EVI5: variants seen among roughly 807,000 people sequenced by gnomAD.
EVI5 encodes the protein ecotropic viral integration site 5, also known as ecotropic viral integration site 5 protein homolog.
A neutral mutation model predicts 112.0 loss-of-function variants in EVI5; 73 were observed. That is an observed-to-expected ratio of 0.65 (90% CI 0.54 to 0.79). The LOEUF is 0.79. Ranked by LOEUF, EVI5 falls within the 30% of genes least tolerant of loss-of-function variation. The probability of loss-of-function intolerance (pLI) is 0.00; values close to 1 mark genes in which losing one functional copy is unlikely to be tolerated. For missense variants in EVI5, 900 were observed against 968.8 expected, an observed-to-expected ratio of 0.93 and a Z score of 0.94; for synonymous variants, 305 against 319.9, an observed-to-expected ratio of 0.95 and a Z score of 0.50.
intron 14 of EVI5, among the ~76,000 whole-genome samples, chr1:92,629,812 C>T (rs1218224601): frequency 2.1e-5 from 3 of 144,472 alleles, no homozygotes; most frequent in South Asian, 2.3e-4. Context: ...GCTATCCCTC[C>T]ACCCTCCCCC....
At chr1:92,685,500 A>G (rs1222080969) in intron 9 of EVI5, among the ~76,000 whole-genome samples, 1 of 152,236 alleles carries the variant, frequency 6.6e-6, no homozygotes, top group Non-Finnish European at 1.5e-5. Context: ...GAACTAGAGA[A>G]GCAAGAGCAA....
chr1:92,566,374 C>T (rs930640161), intron 18 of EVI5, among the ~76,000 whole-genome samples: 2 of 152,010 alleles, frequency 1.3e-5, no homozygotes, highest in African/African-American at 4.8e-5. Flanking sequence ...ATAAGAAATT[C>T]GTAATGCCTA....
intron 13 of EVI5, among the ~76,000 whole-genome samples, chr1:92,641,577 T>G (rs555797488): frequency 6.6e-6 from 1 of 152,186 alleles, no homozygotes; most frequent in Non-Finnish European, 1.5e-5. Flanking sequence ...AAACAAAATT[T>G]GTAATAATGT....
chr1:92,617,187 G>A (rs1653384513), intron 16 of EVI5, among the ~76,000 whole-genome samples: 1 of 152,244 alleles, frequency 6.6e-6, no homozygotes, highest in Admixed American at 6.5e-5. Context: ...GGACAGCGGT[G>A]AAGGTAAATC....
intron 19 of EVI5, among the ~76,000 whole-genome samples, chr1:92,544,016 CAT>C (rs1665269383): frequency 6.6e-6 from 1 of 152,200 alleles, no homozygotes; most frequent in Non-Finnish European, 1.5e-5. Flanking sequence ...AGCACTGACA[CAT>C]GCTACGACAT....
intron 13 of EVI5, among the ~76,000 whole-genome samples, chr1:92,651,515 T>C (rs1662083960): frequency 6.6e-6 from 1 of 152,140 alleles, no homozygotes; most frequent in African/African-American, 2.4e-5. Flanking sequence ...AGCTATTACT[T>C]AACAAACAAA....
intron 1 of EVI5, among the ~76,000 whole-genome samples, chr1:92,760,754 G>A (rs1681710051): frequency 6.8e-6 from 1 of 146,350 alleles, no homozygotes; most frequent in African/African-American, 2.5e-5. Flanking sequence ...AAAAAAAGGT[G>A]GCATAAAGAA....
At chr1:92,592,330 TA>T (rs1340717619) in intron 18 of EVI5, among the ~76,000 whole-genome samples, 2 of 152,198 alleles carry the variant, frequency 1.3e-5, no homozygotes, top group Non-Finnish European at 2.9e-5. Context: ...ACTGGGTACA[TA>T]ATGAAATGAA....
chr1:92,539,559 A>C lies in EVI5; in HGVS notation c.2166+24083T>G, dbSNP rs74843675. Among the ~76,000 whole-genome samples the C allele has an allele frequency of 8.2e-4, 19 of 23,200 alleles. 2 individuals carry two copies. Among genetic ancestry groups the C allele is most frequent in the Admixed American group, 2.0e-3 (4 of 2,006 alleles). 15.2% of individuals were successfully genotyped at this position (23,200 alleles called of 152,430 possible). The stretch of plus-strand genomic sequence containing the variant: ...CTCCATCTCAAAAAAAAAAAAAAAA[A>C]AAAAAAATCTTGAACCCATTCTCCC... On this transcript the variant is annotated intron_variant, in intron 19 of 19. Coordinates refer to ENST00000684568, the MANE Select transcript of EVI5 (RefSeq NM_001350197.2).
Position 92,663,469 on chromosome 1 carries a change from T to C in EVI5, c.1213-17A>G. On this transcript the variant is annotated splice_polypyrimidine_tract_variant and intron_variant, in intron 11 of 19. Coordinates refer to ENST00000684568, the MANE Select transcript of EVI5 (RefSeq NM_001350197.2). ...AGCACTTTCCTACAAAAGGAAAAAT[T>C]CAGATAGAAATATAAGAGAAAGAAA... is the stretch of plus-strand genomic sequence containing the variant. 1 of 1,300,212 alleles carries C rather than the reference T, an allele frequency of 7.7e-7. No individual in the cohort carries two copies. The highest frequency in any genetic ancestry group is 1.0e-6 in the Non-Finnish European group (1 of 955,392). 80.5% of individuals were successfully genotyped at this position (1,300,212 alleles called of 1,614,324 possible).
At chr1:92,786,368 G>A (rs920895452), upstream of EVI5, among the ~76,000 whole-genome samples, 1 of 151,786 alleles carries the variant, frequency 6.6e-6, no homozygotes, top group Admixed American at 6.6e-5. Flanking sequence ...GCATATGTTT[G>A]CATAACTTTA....
chr1:92,694,323 T>G lies in EVI5; in HGVS notation c.975A>C (p.Gln325His). ...CCTGTAACATCCCTTCCATGTCAAG[T>G]TGCATCAGTTCTGCCTGATTCATCT... ...LLQMNQAELM[Q>H]LDMEGMLQHF... The change falls in exon 8 of 20, where the codon CAA becomes CAC. Residue 325 changes from glutamine (Q) to histidine (H), a missense_variant. By Grantham distance (24) the Gln-to-His change is conservative. Coordinates refer to ENST00000684568, the MANE Select transcript of EVI5 (RefSeq NM_001350197.2). 6.3e-7 allele frequency: 1 copy of G among 1,597,228 alleles called. No individual in the cohort carries two copies. The highest frequency in any genetic ancestry group is 8.6e-7 in the Non-Finnish European group (1 of 1,167,468).
At position 92,736,528 on chromosome 1, in the gene EVI5, T is replaced by C. The variant is rs747245624; in HGVS notation, c.19A>G (p.Ser7Gly). ...GTGGTATGTAATGAAGTAGATGGAC[T>C]TGCCACCTGACTGGCCATCTGACTG... MASQVA[S>G]PSTSLHTTSS... is the part of the protein sequence containing the mutation. The change falls in exon 2 of 20, where the codon AGT becomes GGT. Residue 7 changes from serine to glycine, a missense_variant. Coordinates refer to ENST00000684568, the MANE Select transcript of EVI5 (RefSeq NM_001350197.2). The C allele has an allele frequency of 1.9e-6, 3 of 1,613,650 alleles. No individual in the cohort carries two copies. The highest frequency in any genetic ancestry group is 1.7e-5 in the Admixed American group (1 of 60,008).
chr1:92,765,424 A>T (rs1228450386), intron 1 of EVI5, among the ~76,000 whole-genome samples: 1 of 150,858 alleles, frequency 6.6e-6, no homozygotes, highest in Non-Finnish European at 1.5e-5. Flanking sequence ...TATATTGACC[A>T]CCAAAACATA....
chr1:92,590,649 A>G (rs1201816305), intron 18 of EVI5, among the ~76,000 whole-genome samples: 2 of 152,238 alleles, frequency 1.3e-5, no homozygotes, highest in African/African-American at 4.8e-5. Flanking sequence ...GGTGTACCTG[A>G]AAGTGACGGG....
Position 92,607,660 on chromosome 1 carries a change from T to C in EVI5, c.1895A>G (p.Gln632Arg), listed in dbSNP as rs771789795. ...QEVISLQEKV[Q>R]YLSAQNKGLL... ...TCCTTTGTTCTGTGCAGAAAGATAC[T>C]GCACTTTCTCCTGTAGGCTAATCAC... is the stretch of plus-strand genomic sequence containing the variant. Residue 632 changes from glutamine to arginine, a missense_variant, in exon 17 of 20, where the codon CAG (glutamine) becomes CGG (arginine). Physicochemically the swap from Gln to Arg is conservative, Grantham distance 43. Transcript: ENST00000684568. 6 of 1,606,230 alleles carry C rather than the reference T, an allele frequency of 3.7e-6. No homozygotes were observed. In the South Asian group the frequency reaches 4.5e-5, roughly 12 times the overall value.
At chr1:92,783,774 C>T (rs1364118440) in intron 1 of EVI5, among the ~76,000 whole-genome samples, 1 of 141,038 alleles carries the variant, frequency 7.1e-6, no homozygotes, top group African/African-American at 2.7e-5. Context: ...GTCGCCACTG[C>T]ACTCCAGTCT....
chr1:92,520,781 G>A (rs1195312375), intron 19 of EVI5, among the ~76,000 whole-genome samples: 1 of 151,502 alleles, frequency 6.6e-6, no homozygotes, highest in Non-Finnish European at 1.5e-5. Context: ...AGCACAGGAG[G>A]TCAAGGCTGC....
intron 19 of EVI5, among the ~76,000 whole-genome samples, chr1:92,561,926 A>C (rs1449114538): frequency 6.6e-6 from 1 of 152,028 alleles, no homozygotes; most frequent in African/African-American, 2.4e-5. Context: ...GCGTGCGCCC[A>C]CACCTGGTCA....
Sources: allele counts gnomAD v4.1 joint callset (sites outside exome capture counted in the v4.1 genomes callset), GRCh38; gene constraint gnomAD v4.1.1; transcripts MANE v1.5; gene names NCBI Gene and HGNC (gene_info 2026-07-23, HGNC 2026-07-21).